Variants in ARHGEF26 observed in about 807,000 individuals in gnomAD.
ARHGEF26 encodes the protein Rho guanine nucleotide exchange factor (GEF) 26.
A neutral mutation model predicts 89.4 loss-of-function variants in ARHGEF26; 59 were observed. The observed-to-expected ratio is 0.66, with a 90% CI of 0.54 to 0.82. ARHGEF26 has a LOEUF of 0.82. Among genes scored for constraint, ARHGEF26 ranks in the 40% least tolerant of loss-of-function variants. ARHGEF26 has a pLI of 0.00. For synonymous variants in ARHGEF26, 500 were observed against 428.4 expected (o/e 1.17, Z -2.06); for missense variants, 1,234 against 1,085.6 (o/e 1.14, Z -1.92).
intron 6 of ARHGEF26, among the ~76,000 whole-genome samples, chr3:154,185,003 T>A (rs966603148): frequency 2.6e-5 from 4 of 152,138 alleles, no homozygotes; most frequent in Admixed American, 2.0e-4. Flanking sequence ...CCATTGTGCT[T>A]TGCTCCCCTG....
chr3:154,203,599 G>C (rs1222569333), intron 9 of ARHGEF26, among the ~76,000 whole-genome samples: 2 of 152,082 alleles, frequency 1.3e-5, no homozygotes, highest in Non-Finnish European at 2.9e-5. Flanking sequence ...TCTCCATTCA[G>C]TTGATACTAG....
At position 154,222,639 on chromosome 3, in the gene ARHGEF26, T is replaced by C. The variant is rs532936328; in HGVS notation, c.1936-3217T>C. ...ACATTGTTGATGTGTTTTATCAGAGTAGTTAAATAGATGTGGGTGCATTGA... is the reference window on the plus strand; with the variant it reads ...ACATTGTTGATGTGTTTTATCAGAGCAGTTAAATAGATGTGGGTGCATTGA... On this transcript the variant is annotated intron_variant, in intron 10 of 14. Coordinates refer to ENST00000465093, the MANE Select transcript of ARHGEF26 (RefSeq NM_015595.4). Among the ~76,000 whole-genome samples, 95 of 152,202 alleles carry C rather than the reference T, an allele frequency of 6.2e-4. 1 individual carries two copies. Among genetic ancestry groups the C allele is most frequent in the African/African-American group, 2.2e-3 (92 of 41,522 alleles).
intron 9 of ARHGEF26, among the ~76,000 whole-genome samples, chr3:154,213,217 G>GAGTT (rs1715494117): frequency 9.8e-6 from 1 of 102,336 alleles, no homozygotes; most frequent in Non-Finnish European, 1.9e-5. Flanking sequence ...GAGAGAGAGA[G>GAGTT]TGTGTGTGTG....
Position 154,199,125 on chromosome 3 carries a change from T to C in ARHGEF26, c.1845+4407T>C, listed in dbSNP as rs186054077. Among the ~76,000 whole-genome samples, 4 of 152,124 alleles carry C rather than the reference T, an allele frequency of 2.6e-5. No homozygotes were observed. The East Asian group carries it at 7.7e-4, about 29-fold the overall frequency. On this transcript the variant is annotated intron_variant, in intron 9 of 14. Coordinates refer to ENST00000465093, the MANE Select transcript of ARHGEF26 (RefSeq NM_015595.4). Reference sequence around the variant, plus strand: ...TTATTATTGACTGTAGTCACCCTGTTGTGCTATCACATAGATCATATAGTA... The same window carrying C: ...TTATTATTGACTGTAGTCACCCTGTCGTGCTATCACATAGATCATATAGTA...
At chr3:154,163,149 T>C (rs1266914973) in intron 6 of ARHGEF26, among the ~76,000 whole-genome samples, 4 of 152,218 alleles carry the variant, frequency 2.6e-5, no homozygotes, top group African/African-American at 9.6e-5. Flanking sequence ...AGAAGTGTTT[T>C]GAGTGTTTAT....
chr3:154,159,072 T>G (rs1380114635), intron 6 of ARHGEF26, among the ~76,000 whole-genome samples: 1 of 152,148 alleles, frequency 6.6e-6, no homozygotes, highest in Non-Finnish European at 1.5e-5. Context: ...TAAGGTCTTT[T>G]GTGTTAAAAA....
chr3:154,189,985 G>A (rs1432521010), intron 7 of ARHGEF26, among the ~76,000 whole-genome samples: 1 of 151,960 alleles, frequency 6.6e-6, no homozygotes, highest in East Asian at 1.9e-4. Flanking sequence ...GCTTTTAGTA[G>A]CAGCCTTGAA....
intron 6 of ARHGEF26, among the ~76,000 whole-genome samples, chr3:154,153,295 C>T (rs1412543624): frequency 6.6e-6 from 1 of 152,086 alleles, no homozygotes; most frequent in Non-Finnish European, 1.5e-5. Flanking sequence ...CAGGCAATAT[C>T]TGGCTACGAT....
chr3:154,245,637 T>G (rs1717759561), intron 12 of ARHGEF26, among the ~76,000 whole-genome samples: 1 of 152,226 alleles, frequency 6.6e-6, no homozygotes, highest in South Asian at 2.1e-4. Context: ...CAGTGCTCGC[T>G]GTGTGTGCCA....
intron 12 of ARHGEF26, 64 bp from the exon 13 acceptor site, chr3:154,253,052 G>C: frequency 6.3e-7 from 1 of 1,584,220 alleles, no homozygotes; most frequent in Non-Finnish European, 8.7e-7. Context: ...TGGCTGCCTA[G>C]AAAACACTCC....
intron 6 of ARHGEF26, among the ~76,000 whole-genome samples, chr3:154,154,290 C>T (rs1207602913): frequency 6.6e-6 from 1 of 152,008 alleles, no homozygotes; most frequent in Non-Finnish European, 1.5e-5. Context: ...CCCCAAAGAG[C>T]TCTGGTGTCT....
At chr3:154,189,376 CA>C (rs1460095314) in intron 7 of ARHGEF26, among the ~76,000 whole-genome samples, 1 of 127,704 alleles carries the variant, frequency 7.8e-6, no homozygotes, top group Non-Finnish European at 1.6e-5. Flanking sequence ...CTCACTCTGT[CA>C]CCCAGGCTGG....
chr3:154,257,139 C>T lies in ARHGEF26; in HGVS notation c.*1666C>T. On this transcript the variant is annotated 3_prime_UTR_variant, in exon 15 of 15. Transcript: ENST00000465093. ...AAGTGTGCCTGGCTCACACAGCCTGCACCCTGTCACCTCGGCAATGAGCCA... is the reference window on the plus strand; with the variant it reads ...AAGTGTGCCTGGCTCACACAGCCTGTACCCTGTCACCTCGGCAATGAGCCA... 1 of 765,674 alleles carries T rather than the reference C, an allele frequency of 1.3e-6. No individual in the cohort carries two copies. 47.4% of individuals were successfully genotyped at this position (765,674 alleles called of 1,614,324 possible).
intron 4 of ARHGEF26, among the ~76,000 whole-genome samples, chr3:154,141,900 T>C (rs60635504): frequency 0.058 from 8,809 of 152,276 alleles, 714 homozygotes; most frequent in African/African-American, 0.17. Flanking sequence ...ACAGTGGTAA[T>C]ATCTGACTCC....
At chr3:154,215,984 ATATGTGTGTATTTATATGTT>A (rs1715701242) in intron 9 of ARHGEF26, among the ~76,000 whole-genome samples, 1 of 152,144 alleles carries the variant, frequency 6.6e-6, no homozygotes, top group Non-Finnish European at 1.5e-5. Context: ...TTCTGTACAT[ATATGTGTGTATTTATATGTT>A]CATATATAAC....
rs551716496 is a variant in ARHGEF26, at chr3:154,228,286, C to T, written c.2090+2276C>T. Among the ~76,000 whole-genome samples the T allele has an allele frequency of 1.6e-4, 25 of 151,768 alleles. 2 individuals are homozygous for T. In the South Asian group the frequency reaches 2.5e-3, roughly 15 times the overall value. On this transcript the variant is annotated intron_variant, in intron 11 of 14. Coordinates refer to ENST00000465093, the MANE Select transcript of ARHGEF26 (RefSeq NM_015595.4). ...CTGAGTAGCTGGGATTACAGGCATG[C>T]GCCACCATGCCTGGCTAATTTTGTA...
At position 154,122,832 on chromosome 3, in the gene ARHGEF26, C is replaced by G. The variant is rs1178743257; in HGVS notation, c.840C>G (p.Ser280Arg). 1 of 1,612,804 alleles carries G rather than the reference C, an allele frequency of 6.2e-7. No homozygotes were observed. Among genetic ancestry groups the G allele is most frequent in the Admixed American group, 1.7e-5 (1 of 59,818 alleles). ...ACAAGAGACTCCTCAAGGTGCGCAG[C>G]ATGGTGGAGGGCCTAGGAGGACCCC... ...EPHKRLLKVR[S>R]MVEGLGGPLG... is the part of the protein sequence containing the mutation. Residue 280 changes from serine to arginine, a missense_variant, in exon 2 of 15, where the codon AGC becomes AGG. Transcript: ENST00000465093.
chr3:154,252,915 CTT>C (rs2307750), intron 12 of ARHGEF26, among the ~76,000 whole-genome samples, 199 bp from the exon 13 acceptor site: 57,874 of 151,894 alleles, frequency 0.38, 11,068 homozygotes, highest in Admixed American at 0.4. Context: ...CATTCAGACT[CTT>C]TTGACAATGA....
intron 5 of ARHGEF26, among the ~76,000 whole-genome samples, chr3:154,151,199 A>G (rs1377940914): frequency 1.3e-5 from 2 of 152,212 alleles, no homozygotes; most frequent in African/African-American, 2.4e-5. Context: ...CTTTCAAGGA[A>G]TCAAGACAAA....
Sources: gnomAD v4.1 joint callset for allele counts (sites outside exome capture counted in the v4.1 genomes callset) on GRCh38, gnomAD v4.1.1 for gene constraint, MANE v1.5 for transcripts, NCBI Gene and HGNC (gene_info 2026-07-23, HGNC 2026-07-21) for gene names.